The following DOCK2 variants were observed in gnomAD, a reference collection of about 807,000 sequenced individuals.
DOCK2 encodes the protein dedicator of cytokinesis protein 2.
DOCK2 carries 87 observed loss-of-function variants against 248.9 expected under a neutral mutation model. That is an observed-to-expected ratio of 0.35 (90% CI 0.29 to 0.42). The LOEUF (loss-of-function observed/expected upper bound fraction) is 0.42. DOCK2 is among the 10% of genes least tolerant of loss of function. DOCK2 has a pLI of 1.00. For missense variants in DOCK2, 1,747 were observed against 2,300.2 expected, an observed-to-expected ratio of 0.76 and a Z score of 4.92; for synonymous variants, 805 against 821.6, an observed-to-expected ratio of 0.98 and a Z score of 0.35.
At chr5:169,688,344 A>T (rs1462721373) in intron 8 of DOCK2, among the ~76,000 whole-genome samples, 1 of 152,074 alleles carries the variant, frequency 6.6e-6, no homozygotes, top group Non-Finnish European at 1.5e-5. Context: ...ACTTTATTTC[A>T]TGTCATTTCC....
chr5:169,808,106 T>G (rs1388267665), intron 26 of DOCK2, among the ~76,000 whole-genome samples: 3 of 152,182 alleles, frequency 2.0e-5, no homozygotes, highest in African/African-American at 7.2e-5. Flanking sequence ...ATTTTTCTCC[T>G]GGTTGTTTGG....
At chr5:169,857,103 G>C (rs1272130492) in intron 27 of DOCK2, among the ~76,000 whole-genome samples, 1 of 152,138 alleles carries the variant, frequency 6.6e-6, no homozygotes, top group Non-Finnish European at 1.5e-5. Flanking sequence ...AAAATGCTTT[G>C]CCCAAAATGT....
At chr5:169,726,023 G>C (rs1327405562) in intron 22 of DOCK2, among the ~76,000 whole-genome samples, 2 of 152,140 alleles carry the variant, frequency 1.3e-5, no homozygotes, top group African/African-American at 4.8e-5. Flanking sequence ...TACATACCCA[G>C]TAATGGGATC....
intron 44 of DOCK2, among the ~76,000 whole-genome samples, chr5:170,064,562 G>A (rs1035016399): frequency 1.3e-5 from 2 of 151,828 alleles, no homozygotes; most frequent in Non-Finnish European, 2.9e-5. Flanking sequence ...TATAACCTGA[G>A]GAGCAAAAAG....
chr5:169,960,662 A>G (rs1476896097), intron 27 of DOCK2, among the ~76,000 whole-genome samples: 2 of 152,230 alleles, frequency 1.3e-5, no homozygotes, highest in Non-Finnish European at 2.9e-5. Flanking sequence ...GTGTGGTAAT[A>G]TTCGGGTCTC....
chr5:169,950,182 A>C (rs960597561), intron 27 of DOCK2, among the ~76,000 whole-genome samples: 1 of 152,122 alleles, frequency 6.6e-6, no homozygotes. Flanking sequence ...AGGTGGTTGG[A>C]AGCTTGGTCA....
At chr5:169,727,283 A>G (rs73318243) in intron 22 of DOCK2, among the ~76,000 whole-genome samples, 22,772 of 152,150 alleles carry the variant, frequency 0.15, 2,675 homozygotes, top group Admixed American at 0.31. Flanking sequence ...AAGCATAGGT[A>G]TTATGATGTT....
intron 27 of DOCK2, among the ~76,000 whole-genome samples, chr5:169,947,640 G>C (rs1028352457): frequency 1.3e-5 from 2 of 152,188 alleles, no homozygotes; most frequent in Non-Finnish European, 2.9e-5. Context: ...CTCCAAAAAT[G>C]AAAATGAATA....
chr5:169,871,930 T>C (rs1318770060), intron 27 of DOCK2, among the ~76,000 whole-genome samples: 1 of 152,156 alleles, frequency 6.6e-6, no homozygotes, highest in African/African-American at 2.4e-5. Context: ...GAAGATAATA[T>C]CTGGGGTCAG....
chr5:169,968,196 G>T (rs534452109), intron 27 of DOCK2, among the ~76,000 whole-genome samples: 1 of 152,292 alleles, frequency 6.6e-6, no homozygotes, highest in African/African-American at 2.4e-5. Flanking sequence ...CCCCAATCAT[G>T]GGCTGGTTGT....
chr5:169,743,254 C>G (rs1474814813), intron 22 of DOCK2, among the ~76,000 whole-genome samples: 2 of 152,064 alleles, frequency 1.3e-5, no homozygotes, highest in African/African-American at 2.4e-5. Flanking sequence ...AATTTTTTTC[C>G]TTAGTCACTC....
intron 27 of DOCK2, among the ~76,000 whole-genome samples, chr5:169,902,960 TG>T (rs1419787257): frequency 6.6e-6 from 1 of 151,934 alleles, no homozygotes; most frequent in Non-Finnish European, 1.5e-5. Context: ...TAGCTGGGTG[TG>T]GTGGCACATG....
At chr5:169,907,910 C>A (rs6871299) in intron 27 of DOCK2, among the ~76,000 whole-genome samples, 2 of 151,992 alleles carry the variant, frequency 1.3e-5, no homozygotes, top group Admixed American at 1.3e-4. Context: ...TTGGCCAGTC[C>A]GTGTCGGTAA....
chr5:169,651,484 C>T (rs1757802051), intron 1 of DOCK2, among the ~76,000 whole-genome samples: 1 of 152,178 alleles, frequency 6.6e-6, no homozygotes, highest in Non-Finnish European at 1.5e-5. Context: ...CACGGAGTAA[C>T]ACACGGTCCT....
At chr5:169,832,335 T>C (rs994027986) in intron 26 of DOCK2, among the ~76,000 whole-genome samples, 4 of 152,230 alleles carry the variant, frequency 2.6e-5, no homozygotes, top group Non-Finnish European at 5.9e-5. Flanking sequence ...TGAAGGCTAA[T>C]ACAAAGTGCA....
At chr5:169,835,105 A>AT (rs1769478560) in intron 26 of DOCK2, among the ~76,000 whole-genome samples, 1 of 152,146 alleles carries the variant, frequency 6.6e-6, no homozygotes, top group African/African-American at 2.4e-5. Flanking sequence ...ATCATAGTTT[A>AT]CAACTTGGAT....
At chr5:169,904,613 C>T (rs1774165153) in intron 27 of DOCK2, among the ~76,000 whole-genome samples, 1 of 152,122 alleles carries the variant, frequency 6.6e-6, no homozygotes, top group African/African-American at 2.4e-5. Context: ...CACATGGAGG[C>T]CTTCCAACCA....
intron 26 of DOCK2, among the ~76,000 whole-genome samples, chr5:169,823,611 G>A (rs1442360466): frequency 6.6e-6 from 1 of 152,120 alleles, no homozygotes; most frequent in Non-Finnish European, 1.5e-5. Flanking sequence ...GGTATTGATG[G>A]GACGTACCTC....
chr5:169,824,333 G>C (rs933283360), intron 26 of DOCK2, among the ~76,000 whole-genome samples: 5 of 152,348 alleles, frequency 3.3e-5, no homozygotes, highest in African/African-American at 1.2e-4. Context: ...TAAGCCAAAA[G>C]AAGAAAGCTG....
Sources: gnomAD v4.1 joint callset for allele counts (sites outside exome capture counted in the v4.1 genomes callset) on GRCh38, gnomAD v4.1.1 for gene constraint, MANE v1.5 for transcripts, NCBI Gene and HGNC (gene_info 2026-07-23, HGNC 2026-07-21) for gene names.